Variants in KRABD5 observed in about 807,000 individuals in gnomAD.
The protein encoded by KRABD5 is KRAB domain-containing protein 5.
At chr16:31,736,724 T>C in the KRABD5 span, among the ~76,000 whole-genome samples, 2 of 152,080 alleles carry the variant, frequency 1.3e-5, no homozygotes, top group East Asian at 1.9e-4. Context: ...TTCACCATGT[T>C]GACCAGGCTG....
chr16:31,733,123 G>T, the KRABD5 span, among the ~76,000 whole-genome samples: 1 of 151,924 alleles, frequency 6.6e-6, no homozygotes, highest in Admixed American at 6.6e-5. Flanking sequence ...ATGATGTTTA[G>T]ATATGAATTA....
chr16:31,753,186 T>G, the KRABD5 span, among the ~76,000 whole-genome samples: 1 of 152,170 alleles, frequency 6.6e-6, no homozygotes, highest in Non-Finnish European at 1.5e-5. Flanking sequence ...GACTACTGTG[T>G]GTATTTTCCT....
At chr16:31,730,993 T>G in the KRABD5 span, among the ~76,000 whole-genome samples, 1 of 152,236 alleles carries the variant, frequency 6.6e-6, no homozygotes, top group Non-Finnish European at 1.5e-5. Context: ...TGAAATTCTT[T>G]AAGATGATTA....
At chr16:31,732,220 T>A in the KRABD5 span, among the ~76,000 whole-genome samples, 256 of 152,352 alleles carry the variant, frequency 1.7e-3, no homozygotes, top group African/African-American at 5.7e-3. Context: ...TGTCAGAAAT[T>A]GTGACCTGGA....
the KRABD5 span, chr16:31,723,503 A>AAGATGTCCCTCT: frequency 8.2e-6 from 6 of 729,986 alleles, no homozygotes; most frequent in Non-Finnish European, 1.3e-5. Flanking sequence ...GCTGTCACAG[A>AAGATGTCCCTCT]GGGACATCTT....
the KRABD5 span, chr16:31,713,602 C>A: frequency 9.9e-6 from 10 of 1,010,686 alleles, no homozygotes; most frequent in South Asian, 3.3e-5. Flanking sequence ...GCAGCCGGGA[C>A]CCCGCGCGTC....
the KRABD5 span, chr16:31,759,476 A>T: frequency 8.5e-6 from 12 of 1,412,176 alleles, no homozygotes; most frequent in East Asian, 5.0e-5. Flanking sequence ...GGTGAAGTTT[A>T]TATGGGTCTA....
At chr16:31,758,609 A>G in the KRABD5 span, 1 of 151,936 alleles carries the variant, frequency 6.6e-6, no homozygotes, top group African/African-American at 2.4e-5. Context: ...CCCCGTCTCT[A>G]TTAAAAATGA....
the KRABD5 span, among the ~76,000 whole-genome samples, chr16:31,725,158 C>T: frequency 9.9e-5 from 15 of 151,482 alleles, no homozygotes; most frequent in Non-Finnish European, 1.3e-4. Flanking sequence ...CTTTGTTGCC[C>T]GGGCTGGAGT....
the KRABD5 span, among the ~76,000 whole-genome samples, chr16:31,748,794 T>C: frequency 1.8e-4 from 27 of 152,304 alleles, no homozygotes; most frequent in African/African-American, 6.3e-4. Context: ...TTTGTTGTTG[T>C]TGATGCTGTT....
the KRABD5 span, among the ~76,000 whole-genome samples, chr16:31,745,215 G>C: frequency 2.2e-4 from 33 of 152,132 alleles, no homozygotes; most frequent in African/African-American, 7.0e-4. Flanking sequence ...TAATGTTAGG[G>C]TGTTGATTTG....
chr16:31,726,053 A>C, the KRABD5 span, among the ~76,000 whole-genome samples: 1 of 152,212 alleles, frequency 6.6e-6, no homozygotes. Flanking sequence ...AAAAATTAGT[A>C]CCAAGGCTGA....
chr16:31,744,884 T>C, the KRABD5 span, among the ~76,000 whole-genome samples: 1 of 152,218 alleles, frequency 6.6e-6, no homozygotes, highest in Non-Finnish European at 1.5e-5. Flanking sequence ...TTTATCCATT[T>C]CTTCTGGATT....
the KRABD5 span, chr16:31,723,261 T>C: frequency 1.4e-5 from 23 of 1,613,284 alleles, no homozygotes; most frequent in Non-Finnish European, 1.9e-5. Context: ...AAAACAGGTC[T>C]CGCTGTCTCT....
chr16:31,735,217 C>T, the KRABD5 span, among the ~76,000 whole-genome samples: 1 of 151,826 alleles, frequency 6.6e-6, no homozygotes, highest in Admixed American at 6.6e-5. Flanking sequence ...CATGGTTCAT[C>T]CATGTTATTG....
At chr16:31,743,381 C>T in the KRABD5 span, among the ~76,000 whole-genome samples, 1 of 152,158 alleles carries the variant, frequency 6.6e-6, no homozygotes, top group African/African-American at 2.4e-5. Flanking sequence ...AATAGGGAAT[C>T]CTTTCCCCAT....
chr16:31,715,830 G>A, the KRABD5 span, among the ~76,000 whole-genome samples: 1 of 152,156 alleles, frequency 6.6e-6, no homozygotes, highest in East Asian at 1.9e-4. Flanking sequence ...ACCTGGGCTG[G>A]AGAGAGACTC....
At chr16:31,743,544 G>A in the KRABD5 span, among the ~76,000 whole-genome samples, 1 of 152,182 alleles carries the variant, frequency 6.6e-6, no homozygotes, top group Non-Finnish European at 1.5e-5. Context: ...GTAATTTGAA[G>A]TCAGGTAGCG....
the KRABD5 span, among the ~76,000 whole-genome samples, chr16:31,718,998 G>T: frequency 2.0e-5 from 3 of 152,232 alleles, no homozygotes; most frequent in African/African-American, 7.2e-5. Context: ...ATTTGCTCCA[G>T]TTTTCTAATA....
Sources: allele counts gnomAD v4.1 joint callset (sites outside exome capture counted in the v4.1 genomes callset), GRCh38; gene constraint gnomAD v4.1.1; transcripts MANE v1.5; gene names NCBI Gene and HGNC (gene_info 2026-07-23, HGNC 2026-07-21).